Variants in BNC2 observed in about 807,000 individuals in gnomAD.
BNC2 encodes basonuclin zinc finger protein 2.
BNC2 carries 20 observed loss-of-function variants against 76.3 expected under a neutral mutation model. The observed-to-expected ratio is 0.26, with a 90% CI of 0.18 to 0.38. The LOEUF is 0.38. Ranked by LOEUF, BNC2 falls within the 10% of genes least tolerant of loss-of-function variation. BNC2 has a pLI of 1.00. For synonymous variants in BNC2, 582 were observed against 514.8 expected (o/e 1.13, Z -1.77); for missense variants, 1,382 against 1,399.8 (o/e 0.99, Z 0.20).
intron 1 of BNC2, among the ~76,000 whole-genome samples, chr9:16,862,511 C>A (rs752001624): frequency 2.0e-5 from 3 of 152,132 alleles, no homozygotes; most frequent in East Asian, 1.9e-4. Context: ...TCTATAGATA[C>A]CCCGTCCCAG....
chr9:16,526,049 A>T (rs1377405488), intron 5 of BNC2, among the ~76,000 whole-genome samples: 2 of 152,056 alleles, frequency 1.3e-5, no homozygotes, highest in East Asian at 3.9e-4. Flanking sequence ...GTTCCTACAG[A>T]CATAACCTGT....
intron 5 of BNC2, among the ~76,000 whole-genome samples, chr9:16,456,308 A>G (rs1055677705): frequency 6.6e-6 from 1 of 152,122 alleles, no homozygotes; most frequent in African/African-American, 2.4e-5. Context: ...ATAAATTCAC[A>G]TGTTCTATTT....
At chr9:16,537,245 T>C (rs1303735846) in intron 5 of BNC2, among the ~76,000 whole-genome samples, 1 of 152,184 alleles carries the variant, frequency 6.6e-6, no homozygotes, top group Non-Finnish European at 1.5e-5. Context: ...TCTTTAGGAC[T>C]ATCTTTTGAT....
At chr9:16,573,191 G>A (rs1319630279) in intron 4 of BNC2, among the ~76,000 whole-genome samples, 1 of 145,312 alleles carries the variant, frequency 6.9e-6, no homozygotes. Context: ...TTGCACCATT[G>A]CATCTGGGTG....
intron 1 of BNC2, among the ~76,000 whole-genome samples, chr9:16,868,427 C>A (rs1338910148): frequency 6.6e-6 from 1 of 152,088 alleles, no homozygotes; most frequent in African/African-American, 2.4e-5. Flanking sequence ...TCTTACATCT[C>A]AAATAGAAGA....
chr9:16,515,420 G>A (rs754228111), intron 5 of BNC2, among the ~76,000 whole-genome samples: 12 of 152,144 alleles, frequency 7.9e-5, no homozygotes, highest in East Asian at 5.8e-4. Context: ...TGGCATTAGC[G>A]GAGCTTGGCT....
intron 4 of BNC2, among the ~76,000 whole-genome samples, chr9:16,582,110 T>C (rs1465237316): frequency 6.6e-6 from 1 of 152,090 alleles, no homozygotes; most frequent in Non-Finnish European, 1.5e-5. Context: ...GAATGAAGAA[T>C]ATGTCCACTT....
chr9:16,488,377 C>T (rs568132105), intron 5 of BNC2, among the ~76,000 whole-genome samples: 15 of 152,242 alleles, frequency 9.9e-5, no homozygotes, highest in South Asian at 6.2e-4. Flanking sequence ...ATAGGGTTTA[C>T]GTAACACTAG....
chr9:16,741,343 CTCAGGAGGCTGA>C (rs1201835633), intron 1 of BNC2, among the ~76,000 whole-genome samples: 2 of 152,002 alleles, frequency 1.3e-5, no homozygotes. Context: ...ATACCAACTA[CTCAGGAGGCTGA>C]GGCAGGAGAA....
chr9:16,497,512 G>A (rs1488241935), intron 5 of BNC2, among the ~76,000 whole-genome samples: 2 of 151,872 alleles, frequency 1.3e-5, no homozygotes, highest in African/African-American at 2.4e-5. Flanking sequence ...ACATTATACC[G>A]GAAACCAAGT....
chr9:16,846,778 G>C (rs1818993053), intron 1 of BNC2, among the ~76,000 whole-genome samples: 1 of 152,188 alleles, frequency 6.6e-6, no homozygotes, highest in African/African-American at 2.4e-5. Flanking sequence ...AGTGACCAAA[G>C]CACCAGCAGG....
chr9:16,850,601 A>G (rs908878910), intron 1 of BNC2, among the ~76,000 whole-genome samples: 1 of 152,198 alleles, frequency 6.6e-6, no homozygotes, highest in African/African-American at 2.4e-5. Context: ...TGGGGGTGGT[A>G]GCCCATGCCT....
At chr9:16,639,349 C>A (rs1468506965) in intron 3 of BNC2, among the ~76,000 whole-genome samples, 1 of 151,986 alleles carries the variant, frequency 6.6e-6, no homozygotes, top group Non-Finnish European at 1.5e-5. Flanking sequence ...TACTAATTAC[C>A]AACATCTAGA....
At chr9:16,824,396 C>A (rs538461486) in intron 1 of BNC2, among the ~76,000 whole-genome samples, 13 of 152,120 alleles carry the variant, frequency 8.5e-5, no homozygotes, top group Admixed American at 8.5e-4. Flanking sequence ...GTTTGTATGC[C>A]TTCTTTCTAA....
At chr9:16,573,234 AAAAC>A (rs1178396167) in intron 4 of BNC2, among the ~76,000 whole-genome samples, 26 of 149,572 alleles carry the variant, frequency 1.7e-4, no homozygotes, top group African/African-American at 5.3e-4. Flanking sequence ...AAAAAAAAAA[AAAAC>A]AGAAAAAGAA....
At chr9:16,733,752 C>T (rs1207874956) in intron 2 of BNC2, among the ~76,000 whole-genome samples, 2 of 152,078 alleles carry the variant, frequency 1.3e-5, no homozygotes, top group African/African-American at 4.8e-5. Flanking sequence ...GGCATGGTGG[C>T]AGGCACTGGT....
chr9:16,569,507 C>T (rs73419435), intron 4 of BNC2, among the ~76,000 whole-genome samples: 8,588 of 152,132 alleles, frequency 0.056, 862 homozygotes, highest in African/African-American at 0.19. Flanking sequence ...GGCATTTCCC[C>T]CTGTGGCCTT....
chr9:16,704,098 G>GA (rs1336416619), intron 3 of BNC2, among the ~76,000 whole-genome samples: 3 of 152,096 alleles, frequency 2.0e-5, no homozygotes, highest in African/African-American at 7.2e-5. Flanking sequence ...TACATTGGGG[G>GA]AAAAAATCAG....
intron 1 of BNC2, among the ~76,000 whole-genome samples, chr9:16,861,975 C>T (rs1034702698): frequency 8.0e-5 from 12 of 149,736 alleles, no homozygotes; most frequent in Admixed American, 7.3e-4. Context: ...GGCGACAGAG[C>T]GAGACTCCAT....
Sources: allele counts gnomAD v4.1 joint callset (sites outside exome capture counted in the v4.1 genomes callset), GRCh38; gene constraint gnomAD v4.1.1; transcripts MANE v1.5; gene names NCBI Gene and HGNC (gene_info 2026-07-23, HGNC 2026-07-21).